Variants in CLIP4 observed in about 807,000 individuals in gnomAD.
CLIP4 encodes the protein CAP-Gly domain containing linker protein family member 4.
Under a neutral mutation model 73.1 loss-of-function variants are expected in CLIP4, and 47 were observed. The ratio of observed to expected loss-of-function variants is 0.64; its 90% CI spans 0.51 to 0.82. The LOEUF is 0.82. CLIP4 is among the 40% of genes least tolerant of loss of function. The pLI, the probability that CLIP4 is intolerant of heterozygous loss-of-function variation, is 0.00. For missense variants in CLIP4, 874 were observed against 852.9 expected (o/e 1.02, Z -0.31); for synonymous variants, 306 against 295.4 (o/e 1.04, Z -0.37).
At position 29,115,416 on chromosome 2, in the gene CLIP4, T is replaced by TCCC. The variant is rs1008785366; in HGVS notation, c.-263_-261dup. 1 of 150,534 alleles carries TCCC rather than the reference T, an allele frequency of 6.6e-6. No individual in the cohort carries two copies. Among genetic ancestry groups the TCCC allele is most frequent in the Admixed American group, 6.6e-5 (1 of 15,114 alleles). The allele number at this position is 150,534 out of a possible 1,614,324, so 9.3% of individuals were successfully genotyped here. A position where few individuals can be genotyped will look rare whatever the true frequency, so the allele number is the denominator to read the frequency against. ...GCGCAGGCGCGCGCTGCCTCCTCCGTCCCCACCGAGTCCCCAGCGCGTGCG... is the reference window on the plus strand; with the variant it reads ...GCGCAGGCGCGCGCTGCCTCCTCCGTCCCCCCCACCGAGTCCCCAGCGCGTGCG... On this transcript the variant is annotated 5_prime_UTR_variant, in exon 1 of 16. Coordinates refer to ENST00000320081, the MANE Select transcript of CLIP4 (RefSeq NM_024692.6). This position sits in a 1 kb window ranked among gnomAD's most constrained non-coding sequence, Gnocchi z 5.1.
At chr2:29,178,181 A>AG (rs1668451262) in intron 15 of CLIP4, among the ~76,000 whole-genome samples, 1 of 151,412 alleles carries the variant, frequency 6.6e-6, no homozygotes, top group South Asian at 2.1e-4. Context: ...CATGTGTCTG[A>AG]ATTTTTTTTT....
At chr2:29,103,515 A>G (rs1020289828) in intron 1 of CLIP4, among the ~76,000 whole-genome samples, 1 of 152,120 alleles carries the variant, frequency 6.6e-6, no homozygotes, top group African/African-American at 2.4e-5. Context: ...CATAACTTAC[A>G]TTCTTATAAG....
chr2:29,147,460 T>G (rs1020848965), intron 8 of CLIP4, among the ~76,000 whole-genome samples: 9 of 152,176 alleles, frequency 5.9e-5, no homozygotes, highest in African/African-American at 2.2e-4. Context: ...TTAAAGACTT[T>G]TATCAATTCT....
chr2:29,160,355 T>C lies in CLIP4; in HGVS notation c.1422T>C (p.Ser474=). Residue 474 remains serine, a synonymous_variant, in exon 12 of 16, where the codon TCT becomes TCC. Coordinates refer to ENST00000320081, the MANE Select transcript of CLIP4 (RefSeq NM_024692.6). Reference sequence around the variant, plus strand: ...CAGGTTTGAATTCCTCAGCAACATCTACAGCAAATAATAGCCGTTGCGAGG... The same window carrying C: ...CAGGTTTGAATTCCTCAGCAACATCCACAGCAAATAATAGCCGTTGCGAGG... The part of the protein sequence containing the change: ...ASAGLNSSAT[S]TANNSRCEGE... 1.2e-6 allele frequency: 2 copies of C among 1,614,130 alleles called. No individual in the cohort carries two copies. Among genetic ancestry groups the C allele is most frequent in the Non-Finnish European group, 1.7e-6 (2 of 1,179,998 alleles).
At chr2:29,104,650 G>T (rs1383581801) in intron 1 of CLIP4, among the ~76,000 whole-genome samples, 1 of 152,162 alleles carries the variant, frequency 6.6e-6, no homozygotes, top group South Asian at 2.1e-4. Context: ...GGAGTGGCCA[G>T]TCTCAGATTC....
At chr2:29,181,532 C>A (rs760782000) in intron 15 of CLIP4, 40 bp from the exon 16 acceptor site, 1 of 1,502,138 alleles carries the variant, frequency 6.7e-7, no homozygotes, top group Non-Finnish European at 9.0e-7. Context: ...TACGTGGCTT[C>A]AGCACTAAAT....
At position 29,181,679 on chromosome 2, in the gene CLIP4, A is replaced by G. The variant is rs762277505; in HGVS notation, c.1904A>G (p.Asn635Ser). ...EGSQVLLTSS[N>S]EMGTVRYVGP... ...TCTCAGGTCCTGCTCACGAGCTCCA[A>G]TGAGATGGGTACTGTTAGGTATGTG... The change falls in exon 16 of 16, where the codon AAT (asparagine) becomes AGT (serine). Residue 635 changes from asparagine (N) to serine (S), a missense_variant. Asn to Ser is a conservative substitution (Grantham distance 46). Transcript: ENST00000320081. The G allele has an allele frequency of 7.9e-5, 127 of 1,614,058 alleles. No individual in the cohort carries two copies. The highest frequency in any genetic ancestry group is 1.2e-4 in the Admixed American group (7 of 60,006).
At chr2:29,180,344 G>A (rs1320881588) in intron 15 of CLIP4, among the ~76,000 whole-genome samples, 1 of 152,154 alleles carries the variant, frequency 6.6e-6, no homozygotes, top group Admixed American at 6.5e-5. Context: ...GGGCAATATA[G>A]CCTTGAGGCC....
At chr2:29,145,688 A>C (rs952383948) in intron 8 of CLIP4, among the ~76,000 whole-genome samples, 1 of 152,062 alleles carries the variant, frequency 6.6e-6, no homozygotes, top group Non-Finnish European at 1.5e-5. Context: ...TCCACTATTT[A>C]TTTATTTGTT....
intron 14 of CLIP4, among the ~76,000 whole-genome samples, chr2:29,172,060 T>C (rs1668045759): frequency 6.6e-6 from 1 of 151,346 alleles, no homozygotes; most frequent in Admixed American, 6.6e-5. Context: ...GTAGAAGTTA[T>C]AGTCTATGAA....
upstream of CLIP4, among the ~76,000 whole-genome samples, chr2:29,111,973 T>C (rs931077732): frequency 1.5e-4 from 23 of 152,190 alleles, no homozygotes; most frequent in African/African-American, 5.3e-4. Context: ...TCAACTTTAT[T>C]TTTCCTTGAT....
chr2:29,130,689 C>T (rs1423080489), intron 2 of CLIP4: 1 of 1,141,664 alleles, frequency 8.8e-7, no homozygotes, highest in Admixed American at 4.2e-5. Context: ...TGATTCTCTT[C>T]TGATGGACTG....
intron 13 of CLIP4, among the ~76,000 whole-genome samples, chr2:29,164,446 TA>T (rs1256240099): frequency 6.6e-6 from 1 of 152,242 alleles, no homozygotes; most frequent in Non-Finnish European, 1.5e-5. Flanking sequence ...CAAGGATTTT[TA>T]TATAATATAT....
chr2:29,177,061 C>G (rs1226316764), intron 15 of CLIP4, among the ~76,000 whole-genome samples: 1 of 152,110 alleles, frequency 6.6e-6, no homozygotes, highest in East Asian at 1.9e-4. Flanking sequence ...TGGCAATATC[C>G]TCACAGGTGA....
rs747652211 is a variant in CLIP4 at position 29,181,636 on chromosome 2, G to C, written c.1861G>C (p.Val621Leu). Residue 621 changes from valine (V) to leucine (L), a missense_variant, in exon 16 of 16, where the codon GTG (valine) becomes CTG (leucine). Coordinates refer to ENST00000320081, the MANE Select transcript of CLIP4 (RefSeq NM_024692.6). ...TPTAGGIEGS[V>L]KLHEGSQVLL... is the part of the protein sequence containing the mutation. Reference sequence around the variant, plus strand: ...CACCGCAGGTGGCATTGAAGGGAGCGTGAAGCTGCACGAGGGGTCTCAGGT... The same window carrying C: ...CACCGCAGGTGGCATTGAAGGGAGCCTGAAGCTGCACGAGGGGTCTCAGGT... 1 of 1,614,140 alleles carries C rather than the reference G, an allele frequency of 6.2e-7. No individual in the cohort carries two copies. Among genetic ancestry groups the C allele is most frequent in the Non-Finnish European group, 8.5e-7 (1 of 1,179,976 alleles).
intron 13 of CLIP4, among the ~76,000 whole-genome samples, chr2:29,164,683 G>A (rs1457990717): frequency 2.0e-5 from 3 of 152,118 alleles, no homozygotes; most frequent in Non-Finnish European, 4.4e-5. Flanking sequence ...ACATTCATGA[G>A]ACTAGACCTA....
rs189338378 is a variant in CLIP4 at position 29,161,968 on chromosome 2, G to A, written c.1534+1501G>A. 3.9e-5 allele frequency among the ~76,000 whole-genome samples: 6 copies of A among 152,298 alleles called. No individual in the cohort carries two copies. In the East Asian group the frequency reaches 7.7e-4, roughly 20 times the overall value. Reference sequence around the variant, plus strand: ...CCACTTATAATTGCAAGCCAACTGCGTGATTTGAGTTAGGTGTTTTATAAT... The same window carrying A: ...CCACTTATAATTGCAAGCCAACTGCATGATTTGAGTTAGGTGTTTTATAAT... On this transcript the variant is annotated intron_variant, in intron 12 of 15. Coordinates refer to ENST00000320081, the MANE Select transcript of CLIP4 (RefSeq NM_024692.6).
At chr2:29,116,565 AAACAGCACAGG>A (rs1663860205) in intron 1 of CLIP4, among the ~76,000 whole-genome samples, 1 of 152,220 alleles carries the variant, frequency 6.6e-6, no homozygotes, top group African/African-American at 2.4e-5. Context: ...TGAGTCGTCT[AAACAGCACAGG>A]ATCACGTGGT....
In CLIP4 at chr2:29,121,484, C is replaced by G; in HGVS notation, c.96C>G (p.Ile32Met). The G allele has an allele frequency of 6.2e-7, 1 of 1,613,762 alleles. No homozygotes were observed. Among genetic ancestry groups the G allele is most frequent in the Non-Finnish European group, 8.5e-7 (1 of 1,179,852 alleles). The change falls in exon 2 of 16, where the codon ATC (isoleucine) becomes ATG (methionine). Residue 32 changes from isoleucine (I) to methionine (M), a missense_variant. Ile to Met is a conservative substitution (Grantham distance 10). Coordinates refer to ENST00000320081, the MANE Select transcript of CLIP4 (RefSeq NM_024692.6). The part of the protein sequence containing the change: ...FIFSASDTPV[I>M]FSISAAPMPS... ...TTTCTGCTTCTGATACCCCAGTTAT[C>G]TTTTCCATTTCTGCAGCACCAATGC...
Sources: allele counts gnomAD v4.1 joint callset (sites outside exome capture counted in the v4.1 genomes callset), GRCh38; gene constraint gnomAD v4.1.1; non-coding constraint Gnocchi (gnomAD v3.1); transcripts MANE v1.5; gene names NCBI Gene and HGNC (gene_info 2026-07-23, HGNC 2026-07-21).